The following CNBD1 variants were observed in gnomAD, a reference collection of about 807,000 sequenced individuals.
CNBD1 encodes the protein cyclic nucleotide binding domain containing 1.
CNBD1 carries 71 observed loss-of-function variants against 54.4 expected under a neutral mutation model. That is an observed-to-expected ratio of 1.30 (90% confidence interval 1.08 to 1.59). The LOEUF (loss-of-function observed/expected upper bound fraction) is 1.59, where lower values mean the gene tolerates loss of function less well. Ranked by LOEUF, CNBD1 falls within the 40% of genes most tolerant of loss-of-function variation. CNBD1 has a pLI of 0.00. For synonymous variants in CNBD1, 182 were observed against 170.7 expected (o/e 1.07, Z -0.51); for missense variants, 659 against 518.0 (o/e 1.27, Z -2.64).
chr8:87,372,794 A>G (rs1365428790), intron 10 of CNBD1, among the ~76,000 whole-genome samples: 1 of 151,848 alleles, frequency 6.6e-6, no homozygotes, highest in Non-Finnish European at 1.5e-5. Flanking sequence ...CTAGATGTCT[A>G]GAACAAATTT....
intron 4 of CNBD1, among the ~76,000 whole-genome samples, chr8:86,966,468 G>T (rs773674453): frequency 3.3e-5 from 5 of 152,320 alleles, no homozygotes; most frequent in Non-Finnish European, 5.9e-5. Flanking sequence ...GTTCAGATGT[G>T]TCTGGACTTT....
chr8:87,309,616 A>G (rs1438353271), intron 8 of CNBD1, among the ~76,000 whole-genome samples: 2 of 152,146 alleles, frequency 1.3e-5, no homozygotes, highest in Non-Finnish European at 2.9e-5. Context: ...AACAAAACTC[A>G]TATCTGTATA....
intron 4 of CNBD1, among the ~76,000 whole-genome samples, chr8:86,952,385 CT>C (rs926462419): frequency 4.6e-5 from 7 of 151,948 alleles, no homozygotes; most frequent in Admixed American, 2.0e-4. Context: ...TTCTACTGTG[CT>C]TTAATTATGT....
chr8:87,089,448 A>G (rs1811163763), intron 4 of CNBD1, among the ~76,000 whole-genome samples: 1 of 152,160 alleles, frequency 6.6e-6, no homozygotes, highest in Admixed American at 6.5e-5. Context: ...AGAAAATGGA[A>G]AAGAGGTTAA....
At chr8:87,061,570 A>G (rs2130639999) in intron 4 of CNBD1, among the ~76,000 whole-genome samples, 1 of 152,294 alleles carries the variant, frequency 6.6e-6, no homozygotes, top group South Asian at 2.1e-4. Context: ...AACTTGAAAT[A>G]ATTATTTTGG....
At chr8:87,227,772 A>T (rs1281705235) in intron 5 of CNBD1, among the ~76,000 whole-genome samples, 2 of 149,540 alleles carry the variant, frequency 1.3e-5, no homozygotes, top group African/African-American at 5.0e-5. Flanking sequence ...TATTTCCTGA[A>T]TCTGAACATT....
rs1036034983 is a variant in CNBD1, at chr8:87,350,561, T to G, written c.1043-1124T>G. Among the ~76,000 whole-genome samples, 8 of 152,002 alleles carry G rather than the reference T, an allele frequency of 5.3e-5. 1 individual carries two copies. The highest frequency in any genetic ancestry group is 1.9e-4 in the African/African-American group (8 of 41,570). ...GAATTATGCTGTGCTCTAATTTCTTTACTATTTTGGTAACATCAATAATTT... is the reference window on the plus strand; with the variant it reads ...GAATTATGCTGTGCTCTAATTTCTTGACTATTTTGGTAACATCAATAATTT... On this transcript the variant is annotated intron_variant, in intron 8 of 10. Coordinates refer to ENST00000518476, the MANE Select transcript of CNBD1 (RefSeq NM_173538.3).
chr8:87,178,939 C>T (rs1813254389), intron 4 of CNBD1, among the ~76,000 whole-genome samples: 1 of 152,164 alleles, frequency 6.6e-6, no homozygotes, highest in African/African-American at 2.4e-5. Flanking sequence ...CGGAGTCTCA[C>T]CCTTGTTGCC....
At chr8:87,081,646 C>T (rs1223147397) in intron 4 of CNBD1, among the ~76,000 whole-genome samples, 1 of 151,734 alleles carries the variant, frequency 6.6e-6, no homozygotes, top group Admixed American at 6.6e-5. Context: ...GCTGGGATAA[C>T]AGGCGCGCCA....
At chr8:87,290,846 G>C (rs574260361) in intron 8 of CNBD1, among the ~76,000 whole-genome samples, 3 of 152,180 alleles carry the variant, frequency 2.0e-5, no homozygotes, top group Non-Finnish European at 4.4e-5. Flanking sequence ...ATTTTATTGG[G>C]ATTCACTTAT....
chr8:86,960,169 C>T (rs1043289313), intron 4 of CNBD1, among the ~76,000 whole-genome samples: 34 of 152,198 alleles, frequency 2.2e-4, no homozygotes, highest in African/African-American at 8.0e-4. Context: ...AGAGTGTGAG[C>T]CAAAGCAGGG....
chr8:87,425,969 A>C (rs936594282), intron 2 of CNBD1, among the ~76,000 whole-genome samples: 1 of 152,184 alleles, frequency 6.6e-6, no homozygotes, highest in Non-Finnish European at 1.5e-5. Context: ...GCAATCAGCG[A>C]GACTCAGTGG....
intron 4 of CNBD1, among the ~76,000 whole-genome samples, chr8:87,167,827 A>T (rs566665420): frequency 6.6e-6 from 1 of 152,126 alleles, no homozygotes; most frequent in South Asian, 2.1e-4. Flanking sequence ...ATGAATTATT[A>T]GGTGCATTTT....
intron 4 of CNBD1, among the ~76,000 whole-genome samples, chr8:86,983,409 G>C (rs959731692): frequency 1.3e-5 from 2 of 152,110 alleles, no homozygotes; most frequent in African/African-American, 4.8e-5. Flanking sequence ...AGTAGAGTGG[G>C]GCACTGCTGA....
In CNBD1 at chr8:86,958,386, T is replaced by C. The variant is rs897570364; in HGVS notation, c.431+18632T>C. ...TGAGTTCAATTCCTGGATATCCACATTAACTTCCTGTCTTGTTGTCTGTTT... is the reference window on the plus strand; with the variant it reads ...TGAGTTCAATTCCTGGATATCCACACTAACTTCCTGTCTTGTTGTCTGTTT... On this transcript the variant is annotated intron_variant, in intron 4 of 10. Transcript: ENST00000518476. Among the ~76,000 whole-genome samples, 3 of 152,214 alleles carry C rather than the reference T, an allele frequency of 2.0e-5. No individual in the cohort carries two copies. In the East Asian group the frequency reaches 5.8e-4, roughly 29 times the overall value.
At chr8:87,095,953 C>T (rs1444274241) in intron 4 of CNBD1, among the ~76,000 whole-genome samples, 9 of 152,146 alleles carry the variant, frequency 5.9e-5, no homozygotes, top group African/African-American at 9.7e-5. Flanking sequence ...CCACAACGCC[C>T]GGCCCTGTTA....
chr8:87,369,802 C>T (rs71504321), intron 10 of CNBD1, among the ~76,000 whole-genome samples: 59,124 of 151,290 alleles, frequency 0.39, 11,780 homozygotes, highest in Middle Eastern at 0.45. Flanking sequence ...TGTATACATG[C>T]GCCATGCTGG....
intron 4 of CNBD1, among the ~76,000 whole-genome samples, chr8:86,999,673 T>A (rs1479633292): frequency 6.6e-6 from 1 of 152,200 alleles, no homozygotes; most frequent in Non-Finnish European, 1.5e-5. Flanking sequence ...TAGCAGACAC[T>A]AATCCCTTAT....
intron 4 of CNBD1, among the ~76,000 whole-genome samples, chr8:87,012,368 G>T (rs1370060781): frequency 6.6e-6 from 1 of 152,004 alleles, no homozygotes; most frequent in Non-Finnish European, 1.5e-5. Flanking sequence ...CTCATCAGAT[G>T]GGTTTTATTT....
Sources: allele counts gnomAD v4.1 joint callset (sites outside exome capture counted in the v4.1 genomes callset), GRCh38; gene constraint gnomAD v4.1.1; transcripts MANE v1.5; gene names NCBI Gene and HGNC (gene_info 2026-07-23, HGNC 2026-07-21).